The following FAM3B variants were observed in gnomAD, a reference collection of about 807,000 sequenced individuals.
The protein encoded by FAM3B is protein FAM3B.
In FAM3B, 29 loss-of-function variants were observed where a neutral mutation model predicts 28.4. The observed-to-expected ratio is 1.02, with a 90% CI of 0.76 to 1.39. The LOEUF (loss-of-function observed/expected upper bound fraction) is 1.39, where lower values mean the gene tolerates loss of function less well. Ranked by LOEUF, FAM3B falls within the 40% of genes most tolerant of loss-of-function variation. The pLI, the probability that FAM3B is intolerant of heterozygous loss-of-function variation, is 0.00. For synonymous variants in FAM3B, 91 were observed against 103.0 expected (o/e 0.88, Z 0.71); for missense variants, 266 against 293.9 (o/e 0.91, Z 0.69).
upstream of FAM3B, chr21:41,316,766 G>A (rs1601347067): frequency 2.7e-6 from 3 of 1,105,846 alleles, no homozygotes; most frequent in East Asian, 6.5e-5. Context: ...CAGCTGGCCC[G>A]CCCCTGCCCG....
chr21:41,315,520 C>T (rs1040821823), upstream of FAM3B, among the ~76,000 whole-genome samples: 11 of 152,090 alleles, frequency 7.2e-5, no homozygotes, highest in African/African-American at 2.4e-4. Context: ...GTAAGATTGG[C>T]GGTCAGTTCA....
chr21:41,333,151 A>G (rs796710535), intron 2 of FAM3B, among the ~76,000 whole-genome samples: 5 of 149,536 alleles, frequency 3.3e-5, no homozygotes, highest in Admixed American at 1.3e-4. Context: ...TTTTGTCTCA[A>G]GATAGTTTTT....
At chr21:41,344,911 C>T (rs2089042440) in intron 4 of FAM3B, among the ~76,000 whole-genome samples, 1 of 152,170 alleles carries the variant, frequency 6.6e-6, no homozygotes, top group African/African-American at 2.4e-5. Context: ...CCATCTCATC[C>T]TTCTGTGTGA....
At position 41,348,642 on chromosome 21, in the gene FAM3B, T is replaced by C. The variant is rs1382700203; in HGVS notation, c.536T>C (p.Ile179Thr). Residue 179 changes from isoleucine to threonine, a missense_variant, in exon 7 of 8, where the codon ATC becomes ACC. Coordinates refer to ENST00000357985, the MANE Select transcript of FAM3B (RefSeq NM_058186.4). ...NAIEALGSKE[I>T]RNMKFRSSWV... is the part of the protein sequence containing the mutation. ...ATAGAAGCACTTGGAAGTAAAGAAA[T>C]CAGGAACATGAAATTCAGGTCTAGC... The C allele has an allele frequency of 6.2e-7, 1 of 1,614,166 alleles. No homozygotes were observed. Among genetic ancestry groups the C allele is most frequent in the Non-Finnish European group, 8.5e-7 (1 of 1,180,034 alleles).
intron 3 of FAM3B, 113 bp from the exon 4 acceptor site, chr21:41,344,363 A>T: frequency 1.1e-6 from 1 of 951,060 alleles, no homozygotes; most frequent in Non-Finnish European, 1.7e-6. Context: ...CAGACTTTCA[A>T]GGAAAAGGTG....
At chr21:41,345,930 C>A in intron 5 of FAM3B, 194 bp downstream of exon 5, 1 of 496,742 alleles carries the variant, frequency 2.0e-6, no homozygotes, top group Non-Finnish European at 3.6e-6. Context: ...TTGAAGGCAT[C>A]ATCTAGAAAT....
intron 2 of FAM3B, among the ~76,000 whole-genome samples, chr21:41,331,785 T>C (rs1256562895): frequency 6.6e-6 from 1 of 152,272 alleles, no homozygotes; most frequent in Non-Finnish European, 1.5e-5. Flanking sequence ...TCCTTTATCA[T>C]GAAAGGATTT....
intron 3 of FAM3B, among the ~76,000 whole-genome samples, chr21:41,339,120 A>G (rs923278332): frequency 1.3e-5 from 2 of 152,200 alleles, no homozygotes; most frequent in East Asian, 1.9e-4. Context: ...GGGAAAATCC[A>G]TATAAGATTG....
At chr21:41,316,661 AGCCCGGG>A, upstream of FAM3B, 1 of 310,390 alleles carries the variant, frequency 3.2e-6, no homozygotes, top group Non-Finnish European at 5.8e-6. Context: ...TCCCGGGCAC[AGCCCGGG>A]GCACAGCCCC....
intron 1 of FAM3B, among the ~76,000 whole-genome samples, chr21:41,321,438 G>A (rs556553626): frequency 1.3e-5 from 2 of 152,284 alleles, no homozygotes; most frequent in East Asian, 3.9e-4. Flanking sequence ...GCGGGAGAGG[G>A]GCCTGCAAGC....
intron 2 of FAM3B, among the ~76,000 whole-genome samples, chr21:41,337,085 G>A (rs2088962431): frequency 6.6e-6 from 1 of 152,238 alleles, no homozygotes; most frequent in South Asian, 2.1e-4. Context: ...TGGTTGTTTT[G>A]TAGGTCCTTC....
chr21:41,321,603 C>A (rs11909414), intron 1 of FAM3B, among the ~76,000 whole-genome samples: 4,388 of 152,268 alleles, frequency 0.029, 197 homozygotes, highest in African/African-American at 0.099. Flanking sequence ...TTTGGAAATT[C>A]GAAATTTAAA....
chr21:41,304,719 T>A (rs2088673292), intron 1 of FAM3B, among the ~76,000 whole-genome samples: 1 of 152,174 alleles, frequency 6.6e-6, no homozygotes, highest in Non-Finnish European at 1.5e-5. Context: ...CAGAACCTAC[T>A]TCAGGGGGAG....
At chr21:41,318,201 T>C (rs2088767416) in intron 1 of FAM3B, among the ~76,000 whole-genome samples, 1 of 152,170 alleles carries the variant, frequency 6.6e-6, no homozygotes, top group Non-Finnish European at 1.5e-5. Flanking sequence ...TATTTGATTG[T>C]GGAGAAGCTG....
At chr21:41,339,814 G>A (rs544964750) in intron 3 of FAM3B, among the ~76,000 whole-genome samples, 8 of 152,316 alleles carry the variant, frequency 5.3e-5, no homozygotes, top group South Asian at 2.1e-4. Flanking sequence ...AATGGCAGTG[G>A]GAGGTAAGAA....
chr21:41,325,661 G>A (rs535923798), intron 2 of FAM3B, among the ~76,000 whole-genome samples: 2 of 152,212 alleles, frequency 1.3e-5, no homozygotes, highest in South Asian at 4.1e-4. Context: ...TGATCATCCT[G>A]GAACTAAACG....
intron 2 of FAM3B, among the ~76,000 whole-genome samples, chr21:41,323,401 G>A (rs994727413): frequency 3.3e-5 from 5 of 152,202 alleles, no homozygotes; most frequent in Admixed American, 3.3e-4. Flanking sequence ...ATCATTTTAA[G>A]GTTTCTGTCG....
At chr21:41,315,772 T>C (rs1167435444), upstream of FAM3B, among the ~76,000 whole-genome samples, 1 of 152,028 alleles carries the variant, frequency 6.6e-6, no homozygotes, top group Non-Finnish European at 1.5e-5. Flanking sequence ...AGGACATGTG[T>C]CCCTAGAACT....
chr21:41,313,004 T>C (rs1038092861), upstream of FAM3B, among the ~76,000 whole-genome samples: 5 of 152,262 alleles, frequency 3.3e-5, no homozygotes, highest in Admixed American at 6.5e-5. Flanking sequence ...CCACAGATTG[T>C]TCATCCTAGT....
Sources: gnomAD v4.1 joint callset for allele counts (sites outside exome capture counted in the v4.1 genomes callset) on GRCh38, gnomAD v4.1.1 for gene constraint, MANE v1.5 for transcripts, NCBI Gene and HGNC (gene_info 2026-07-23, HGNC 2026-07-21) for gene names.